The following SYT1 variants were observed in gnomAD, a reference collection of about 807,000 sequenced individuals.
The protein encoded by SYT1 is synaptotagmin 1, also known as synaptotagmin-1.
SYT1 carries 8 observed loss-of-function variants against 44.8 expected under a neutral mutation model. That is an observed-to-expected ratio of 0.18 (90% CI 0.10 to 0.32). SYT1 has a LOEUF of 0.32. Ranked by LOEUF, SYT1 falls within the 10% of genes least tolerant of loss-of-function variation. The pLI is 1.00. For synonymous variants in SYT1, 154 were observed against 188.8 expected (o/e 0.82, Z 1.51); for missense variants, 286 against 509.3 (o/e 0.56, Z 4.22).
intron 9 of SYT1, among the ~76,000 whole-genome samples, chr12:79,380,313 T>A (rs1481291054): frequency 1.3e-5 from 2 of 152,122 alleles, no homozygotes; most frequent in East Asian, 3.9e-4. Context: ...GCAATTTGAG[T>A]GTGTTCCTCA....
At chr12:79,191,341 ATTAAGT>A (rs914985469) in intron 3 of SYT1, among the ~76,000 whole-genome samples, 1 of 152,090 alleles carries the variant, frequency 6.6e-6, no homozygotes, top group African/African-American at 2.4e-5. Context: ...TTCTTTCCTC[ATTAAGT>A]TTAACTTACC....
intron 3 of SYT1, among the ~76,000 whole-genome samples, chr12:79,181,396 G>A (rs979230163): frequency 2.0e-5 from 3 of 152,048 alleles, no homozygotes; most frequent in African/African-American, 7.2e-5. Flanking sequence ...AGCAGAAGGT[G>A]AAGTACTGAC....
chr12:79,443,965 A>G, intron 9 of SYT1, 108 bp from the exon 10 acceptor site: 1 of 1,141,906 alleles, frequency 8.8e-7, no homozygotes, highest in Non-Finnish European at 1.2e-6. Context: ...TATTAAATAC[A>G]TGCTATATAA....
At chr12:79,030,928 T>C (rs1872790435) in intron 2 of SYT1, among the ~76,000 whole-genome samples, 2 of 151,018 alleles carry the variant, frequency 1.3e-5, no homozygotes, top group African/African-American at 2.4e-5. Flanking sequence ...AGATATGTTA[T>C]GTCTCCAGTA....
intron 3 of SYT1, among the ~76,000 whole-genome samples, chr12:79,095,829 C>T (rs1374550193): frequency 6.6e-6 from 1 of 151,852 alleles, no homozygotes; most frequent in Non-Finnish European, 1.5e-5. Context: ...TCTGAAGATT[C>T]AATAATTTGT....
intron 1 of SYT1, among the ~76,000 whole-genome samples, chr12:78,957,352 T>C (rs1374256903): frequency 1.3e-5 from 2 of 152,188 alleles, no homozygotes; most frequent in Admixed American, 1.3e-4. Context: ...TTTTTTTCCC[T>C]ACTTTCATTT....
At chr12:79,053,968 G>A (rs1240760259) in intron 3 of SYT1, among the ~76,000 whole-genome samples, 1 of 151,968 alleles carries the variant, frequency 6.6e-6, no homozygotes, top group East Asian at 1.9e-4. Context: ...ATATATAGAA[G>A]GAAGGGAGTT....
intron 2 of SYT1, among the ~76,000 whole-genome samples, chr12:79,030,789 T>C (rs1872781723): frequency 1.3e-5 from 2 of 151,172 alleles, no homozygotes; most frequent in Admixed American, 6.6e-5. Flanking sequence ...TAGTTCTTTA[T>C]ACACTTTTAT....
At chr12:79,117,046 A>G (rs1879312927) in intron 3 of SYT1, among the ~76,000 whole-genome samples, 1 of 152,156 alleles carries the variant, frequency 6.6e-6, no homozygotes, top group African/African-American at 2.4e-5. Flanking sequence ...TTCTGAACTA[A>G]AGTTAAATTC....
chr12:79,340,656 T>C (rs1428639850), intron 8 of SYT1, among the ~76,000 whole-genome samples: 2 of 152,228 alleles, frequency 1.3e-5, no homozygotes, highest in African/African-American at 4.8e-5. Flanking sequence ...GAATACCCTT[T>C]ATTTCTTTCC....
At chr12:79,227,913 G>A (rs781530360) in intron 4 of SYT1, among the ~76,000 whole-genome samples, 3 of 152,042 alleles carry the variant, frequency 2.0e-5, no homozygotes, top group Admixed American at 6.6e-5. Flanking sequence ...CCCAAATTGA[G>A]AAAATTCCGG....
intron 9 of SYT1, among the ~76,000 whole-genome samples, chr12:79,371,763 T>G (rs1883800486): frequency 6.6e-6 from 1 of 152,214 alleles, no homozygotes. Context: ...AAGTCATGCC[T>G]CAGAGGTTTG....
intron 9 of SYT1, among the ~76,000 whole-genome samples, chr12:79,408,819 T>C (rs541027088): frequency 6.6e-6 from 1 of 151,976 alleles, no homozygotes; most frequent in Non-Finnish European, 1.5e-5. Flanking sequence ...CGGAGAGTTA[T>C]GGCACACAAA....
chr12:79,443,990 G>A, intron 9 of SYT1, 83 bp from the exon 10 acceptor site: 1 of 1,428,226 alleles, frequency 7.0e-7, no homozygotes, highest in Non-Finnish European at 9.5e-7. Context: ...TTACCTGTGG[G>A]AAATAGTTCT....
chr12:79,355,600 A>T (rs1883080874), intron 9 of SYT1, among the ~76,000 whole-genome samples: 1 of 152,206 alleles, frequency 6.6e-6, no homozygotes, highest in African/African-American at 2.4e-5. Context: ...CATAATGTAG[A>T]TATGTCCAGC....
intron 1 of SYT1, chr12:78,977,426 T>G (rs1197687486): frequency 6.6e-6 from 1 of 152,204 alleles, no homozygotes; most frequent in Non-Finnish European, 1.5e-5. Flanking sequence ...CAAAACAAAG[T>G]GTGAATTGCT....
intron 1 of SYT1, among the ~76,000 whole-genome samples, chr12:78,930,395 A>G (rs1315041812): frequency 5.3e-5 from 8 of 152,080 alleles, no homozygotes; most frequent in Non-Finnish European, 1.0e-4. Context: ...ATACATTTTC[A>G]ATCAAAGTAA....
intron 4 of SYT1, among the ~76,000 whole-genome samples, chr12:79,263,979 A>C (rs1592910901): frequency 6.6e-6 from 1 of 152,104 alleles, no homozygotes; most frequent in Admixed American, 6.6e-5. Flanking sequence ...GTAAGTTTAA[A>C]TTCTATTGTC....
chr12:79,369,388 A>T (rs1240075058), intron 9 of SYT1, among the ~76,000 whole-genome samples: 1 of 152,138 alleles, frequency 6.6e-6, no homozygotes, highest in Non-Finnish European at 1.5e-5. Context: ...AGGCAGGAGG[A>T]TTGCTTGAGC....
Sources: gnomAD v4.1 joint callset for allele counts (sites outside exome capture counted in the v4.1 genomes callset) on GRCh38, gnomAD v4.1.1 for gene constraint, MANE v1.5 for transcripts, NCBI Gene and HGNC (gene_info 2026-07-23, HGNC 2026-07-21) for gene names.